TBC1D4: variants seen among roughly 807,000 people sequenced by gnomAD.
The protein encoded by TBC1D4 is TBC1 domain family member 4.
Under a neutral mutation model 142.5 loss-of-function variants are expected in TBC1D4, and 121 were observed. That is an observed-to-expected ratio of 0.85 (90% CI 0.73 to 0.99). TBC1D4 has a LOEUF of 0.99. Ranked by LOEUF, TBC1D4 falls within the 50% of genes least tolerant of loss-of-function variation. The pLI is 0.00. For synonymous variants in TBC1D4, 630 were observed against 628.2 expected (o/e 1.00, Z -0.04); for missense variants, 1,475 against 1,606.6 (o/e 0.92, Z 1.40).
In TBC1D4 at chr13:75,362,224, G is replaced by A. The variant is rs758370394; in HGVS notation, c.882C>T (p.Val294=). The A allele has an allele frequency of 1.2e-6, 2 of 1,613,872 alleles. No individual in the cohort carries two copies. Among genetic ancestry groups the A allele is most frequent in the South Asian group, 2.2e-5 (2 of 91,068 alleles). ...CTTCCAAAATCCGCTCAGGGAAGCAGACCCGAGAGCTGGTCAGGGCAGGCT... is the reference window on the plus strand; with the variant it reads ...CTTCCAAAATCCGCTCAGGGAAGCAAACCCGAGAGCTGGTCAGGGCAGGCT... ...ASQPALTSSR[V]CFPERILEDS... The change falls in exon 2 of 21, where the codon GTC becomes GTT. Residue 294 remains valine, a synonymous_variant. Coordinates refer to ENST00000377636, the MANE Select transcript of TBC1D4 (RefSeq NM_014832.5). The surrounding 1 kb of genome is among the most constrained non-coding windows in gnomAD (Gnocchi z 4.2).
intron 1 of TBC1D4, among the ~76,000 whole-genome samples, chr13:75,420,081 A>G (rs756028343): frequency 6.6e-6 from 1 of 152,172 alleles, no homozygotes; most frequent in Non-Finnish European, 1.5e-5. Context: ...AAGGGCAAGT[A>G]CCACATTTTG....
rs771771231 is a variant in TBC1D4, at chr13:75,326,321, G to A, written c.1909C>T (p.Arg637Ter). The A allele has an allele frequency of 9.3e-6, 15 of 1,614,058 alleles. No individual in the cohort carries two copies. Among genetic ancestry groups the A allele is most frequent in the Admixed American group, 3.3e-5 (2 of 60,006 alleles). ...PEEDSDSPQF[R>*]RRAHTFSHPP... ...TGGCTGAACGTGTGTGCCCGTCTTCGAAACTGCGGGGAGTCGGAATCCTCT... is the reference window on the plus strand; with the variant it reads ...TGGCTGAACGTGTGTGCCCGTCTTCAAAACTGCGGGGAGTCGGAATCCTCT... The change falls in exon 10 of 21, where the codon CGA (arginine) becomes TGA (stop). Residue 637 changes from arginine (R) to a stop codon, truncating the protein, a stop_gained. Coordinates refer to ENST00000377636, the MANE Select transcript of TBC1D4 (RefSeq NM_014832.5). LOFTEE classifies it high-confidence loss of function.
At chr13:75,437,001 C>G (rs1886827390) in intron 1 of TBC1D4, among the ~76,000 whole-genome samples, 1 of 152,162 alleles carries the variant, frequency 6.6e-6, no homozygotes, top group Admixed American at 6.5e-5. Context: ...CAAACCCAAA[C>G]TGAGAAATAT....
Position 75,362,382 on chromosome 13 carries a change from C to A in TBC1D4, c.724G>T (p.Glu242Ter). ...TCTCCTGGGTCCGGACCGCGCTGCTCCCCTTGGATCTTCAGGCGCTGCTGT... is the reference window on the plus strand; with the variant it reads ...TCTCCTGGGTCCGGACCGCGCTGCTACCCTTGGATCTTCAGGCGCTGCTGT... ...HEQQRLKIQG[E>*]QRGPDPGEDL... Residue 242 changes from glutamate (E) to a stop codon, truncating the protein, a stop_gained, in exon 2 of 21, where the codon GAG (glutamate) becomes TAG (stop). Transcript: ENST00000377636. LOFTEE classifies it high-confidence loss of function. The surrounding 1 kb of genome is among the most constrained non-coding windows in gnomAD (Gnocchi z 4.2). 6.2e-7 allele frequency: 1 copy of A among 1,614,222 alleles called. No homozygotes were observed. The highest frequency in any genetic ancestry group is 8.5e-7 in the Non-Finnish European group (1 of 1,180,044).
chr13:75,319,906 G>A, intron 12 of TBC1D4, 108 bp downstream of exon 12: 1 of 1,126,630 alleles, frequency 8.9e-7, no homozygotes, highest in Admixed American at 2.0e-5. Context: ...TCAGAAAGAT[G>A]GCATGCATTC....
At chr13:75,413,846 G>A (rs150088531) in intron 1 of TBC1D4, among the ~76,000 whole-genome samples, 213 of 152,164 alleles carry the variant, frequency 1.4e-3, no homozygotes, top group Non-Finnish European at 2.3e-3. Flanking sequence ...CCCTCTCTTC[G>A]GTGGTTCTCT....
At chr13:75,288,848 C>T (rs1874958315) in intron 20 of TBC1D4, 86 bp downstream of exon 20, 31 of 1,390,138 alleles carry the variant, frequency 2.2e-5, no homozygotes, top group Non-Finnish European at 2.4e-5. Context: ...GTTCATTCCA[C>T]GCACATATCC....
intron 11 of TBC1D4, among the ~76,000 whole-genome samples, chr13:75,322,940 C>A (rs555927273): frequency 6.6e-6 from 1 of 152,206 alleles, no homozygotes; most frequent in East Asian, 1.9e-4. Context: ...AAATCAAATT[C>A]ACTGTTGGAA....
intron 1 of TBC1D4, among the ~76,000 whole-genome samples, chr13:75,456,409 A>G (rs539417831): frequency 1.5e-4 from 23 of 152,334 alleles, no homozygotes; most frequent in African/African-American, 5.5e-4. Context: ...TTTGCAATAC[A>G]TATCTGAAAA....
At chr13:75,308,193 G>A (rs1877373544) in intron 14 of TBC1D4, among the ~76,000 whole-genome samples, 1 of 152,182 alleles carries the variant, frequency 6.6e-6, no homozygotes, top group African/African-American at 2.4e-5. Flanking sequence ...TCTTTGTTAT[G>A]TAGGCAGAGA....
At chr13:75,389,280 A>G (rs551426580) in intron 1 of TBC1D4, among the ~76,000 whole-genome samples, 11 of 152,370 alleles carry the variant, frequency 7.2e-5, no homozygotes, top group African/African-American at 2.4e-4. Context: ...TCATGTTCAT[A>G]TTAATGAGCT....
chr13:75,294,715 C>T, intron 18 of TBC1D4, 139 bp downstream of exon 18: 1 of 874,252 alleles, frequency 1.1e-6, no homozygotes, highest in South Asian at 1.9e-5. Flanking sequence ...CACAGCCAGG[C>T]ACATTTATTA....
At chr13:75,289,135 G>C in intron 19 of TBC1D4, 25 bp from the exon 20 acceptor site, 2 of 1,612,954 alleles carry the variant, frequency 1.2e-6, no homozygotes, top group South Asian at 2.2e-5. Flanking sequence ...TCATGGGTTA[G>C]GCTAGCCTTT....
intron 1 of TBC1D4, among the ~76,000 whole-genome samples, chr13:75,389,051 A>G (rs1884330957): frequency 6.6e-6 from 1 of 152,226 alleles, no homozygotes; most frequent in Non-Finnish European, 1.5e-5. Context: ...ATTAAATGAG[A>G]GCAGACACAT....
chr13:75,355,177 G>A (rs981592422), intron 4 of TBC1D4, among the ~76,000 whole-genome samples: 14 of 152,200 alleles, frequency 9.2e-5, no homozygotes, highest in African/African-American at 3.4e-4. Context: ...TATTCACCAA[G>A]GGCACAAGGG....
At chr13:75,456,857 C>A (rs923648970) in intron 1 of TBC1D4, among the ~76,000 whole-genome samples, 1 of 151,544 alleles carries the variant, frequency 6.6e-6, no homozygotes, top group East Asian at 1.9e-4. Flanking sequence ...TCCATAACAC[C>A]TTTATTCATA....
intron 1 of TBC1D4, among the ~76,000 whole-genome samples, chr13:75,441,486 T>C (rs1887038387): frequency 1.3e-5 from 2 of 152,098 alleles, no homozygotes; most frequent in South Asian, 4.1e-4. Context: ...AAAAAGGAAA[T>C]TGTATTCTTA....
intron 1 of TBC1D4, among the ~76,000 whole-genome samples, chr13:75,379,784 A>G (rs1011987224): frequency 2.0e-5 from 3 of 150,952 alleles, no homozygotes; most frequent in Admixed American, 1.3e-4. Flanking sequence ...TCCCAGTTTT[A>G]GTTGATAAAA....
At chr13:75,458,305 C>T (rs532724866) in intron 1 of TBC1D4, among the ~76,000 whole-genome samples, 2 of 152,300 alleles carry the variant, frequency 1.3e-5, no homozygotes, top group East Asian at 3.9e-4. Context: ...CCCAGCCGAA[C>T]TCTCAACGTT....
Sources: gnomAD v4.1 joint callset for allele counts (sites outside exome capture counted in the v4.1 genomes callset) on GRCh38, gnomAD v4.1.1 for gene constraint, Gnocchi (gnomAD v3.1) non-coding constraint, MANE v1.5 for transcripts, NCBI Gene and HGNC (gene_info 2026-07-23, HGNC 2026-07-21) for gene names.